The following STK24 variants were observed in gnomAD, a reference collection of about 807,000 sequenced individuals.
STK24 encodes serine/threonine kinase 24.
A neutral mutation model predicts 55.6 loss-of-function variants in STK24; 21 were observed. The observed-to-expected ratio is 0.38, with a 90% CI of 0.27 to 0.54. The LOEUF (loss-of-function observed/expected upper bound fraction) is 0.54. Ranked by LOEUF, STK24 falls within the 20% of genes least tolerant of loss-of-function variation. STK24 has a pLI of 0.79. For synonymous variants in STK24, 200 were observed against 215.2 expected, an observed-to-expected ratio of 0.93 and a Z score of 0.62; for missense variants, 383 against 538.4, an observed-to-expected ratio of 0.71 and a Z score of 2.86.
intron 1 of STK24, among the ~76,000 whole-genome samples, chr13:98,537,574 C>T (rs1448031088): frequency 6.6e-6 from 1 of 152,178 alleles, no homozygotes; most frequent in African/African-American, 2.4e-5. Context: ...CACAGCAGGA[C>T]AGGGGCCCCA....
At chr13:98,557,515 C>T (rs1897312070) in intron 1 of STK24, among the ~76,000 whole-genome samples, 1 of 152,244 alleles carries the variant, frequency 6.6e-6, no homozygotes, top group Admixed American at 6.5e-5. Flanking sequence ...CCTCCCCACC[C>T]ACTGGTGGCA....
chr13:98,554,451 A>T (rs913960196), intron 1 of STK24, among the ~76,000 whole-genome samples: 25 of 152,210 alleles, frequency 1.6e-4, no homozygotes, highest in African/African-American at 5.8e-4. Context: ...AGGTTATCTA[A>T]AACACTGCAC....
intron 9 of STK24, among the ~76,000 whole-genome samples, chr13:98,459,335 G>A (rs1893602975): frequency 6.6e-6 from 1 of 152,242 alleles, no homozygotes; most frequent in African/African-American, 2.4e-5. Flanking sequence ...CCCGACACCA[G>A]CGGGCTCGGC....
At position 98,447,162 on chromosome 13, in the gene STK24, A is replaced by C. The variant is rs1892899041; in HGVS notation, c.*6011T>G. ...GACTGCAGACTTCATTTAGCCAAGAAAGAAATGCAACAGTCAGGCCTAAGA... is the reference window on the plus strand; with the variant it reads ...GACTGCAGACTTCATTTAGCCAAGACAGAAATGCAACAGTCAGGCCTAAGA... On this transcript the variant is annotated 3_prime_UTR_variant, in exon 11 of 11. Coordinates refer to ENST00000539966, the MANE Select transcript of STK24 (RefSeq NM_001032296.4). 2 of 209,802 alleles carry C rather than the reference A, an allele frequency of 9.5e-6. No homozygotes were observed. Among genetic ancestry groups the C allele is most frequent in the East Asian group, 1.2e-4 (1 of 8,014 alleles). 13.0% of individuals were successfully genotyped at this position (209,802 alleles called of 1,614,324 possible).
chr13:98,560,569 T>C (rs1278407687), intron 1 of STK24, among the ~76,000 whole-genome samples: 16 of 152,118 alleles, frequency 1.1e-4, no homozygotes, highest in Non-Finnish European at 1.6e-4. Context: ...AAAAGATTCA[T>C]CTAAAAGACA....
At chr13:98,542,705 G>A in intron 1 of STK24, 1 of 392,810 alleles carries the variant, frequency 2.5e-6, no homozygotes, top group Non-Finnish European at 3.5e-6. Flanking sequence ...TTCCATATTA[G>A]TCCCTTGTTC....
intron 1 of STK24, among the ~76,000 whole-genome samples, chr13:98,563,397 C>T (rs7332862): frequency 0.18 from 27,647 of 152,116 alleles, 2,653 homozygotes; most frequent in African/African-American, 0.23. Context: ...GAAGACAAAG[C>T]AGGGGAAGGC....
At chr13:98,464,008 A>G (rs1202475029) in intron 6 of STK24, among the ~76,000 whole-genome samples, 172 bp from the exon 7 acceptor site, 2 of 152,144 alleles carry the variant, frequency 1.3e-5, no homozygotes, top group Admixed American at 6.5e-5. Flanking sequence ...CTCAGGACCT[A>G]CGCCTGGGCT....
chr13:98,462,466 C>T (rs1305207449), intron 7 of STK24, among the ~76,000 whole-genome samples: 1 of 152,116 alleles, frequency 6.6e-6, no homozygotes, highest in Non-Finnish European at 1.5e-5. Flanking sequence ...GCCTCAGAGG[C>T]AATGAGCCCC....
At chr13:98,554,019 G>C (rs1302560365) in intron 1 of STK24, among the ~76,000 whole-genome samples, 1 of 149,274 alleles carries the variant, frequency 6.7e-6, no homozygotes, top group Non-Finnish European at 1.5e-5. Flanking sequence ...CCGAGATCAC[G>C]CCACTGCACT....
At chr13:98,504,709 G>A (rs755324616) in intron 2 of STK24, among the ~76,000 whole-genome samples, 1 of 152,178 alleles carries the variant, frequency 6.6e-6, no homozygotes. Flanking sequence ...AGCTGCTAGA[G>A]CTTGCTTTCT....
rs1360165693 is a variant in STK24, at chr13:98,470,619, A to T, written c.598-4058T>A. Among the ~76,000 whole-genome samples, 5 of 152,240 alleles carry T rather than the reference A, an allele frequency of 3.3e-5. No individual in the cohort carries two copies. In the East Asian group the frequency reaches 9.6e-4, roughly 29 times the overall value. On this transcript the variant is annotated intron_variant, in intron 5 of 10. Coordinates refer to ENST00000539966, the MANE Select transcript of STK24 (RefSeq NM_001032296.4). ...GTCAAAAGCTGCAAATGCACACATTAACTGCGAACGAATCTTCTCCTGGGG... is the reference window on the plus strand; with the variant it reads ...GTCAAAAGCTGCAAATGCACACATTTACTGCGAACGAATCTTCTCCTGGGG...
rs765420585 is a variant in STK24 at position 98,453,225 on chromosome 13, G to C, written c.1260-16C>G. On this transcript the variant is annotated splice_polypyrimidine_tract_variant and intron_variant, in intron 10 of 10. Transcript: ENST00000539966. ...TAGAGAGTATCTAGGGAAAAAGAGA[G>C]AGAGAGAAGTCAACACATGTCATTT... The C allele has an allele frequency of 6.2e-7, 1 of 1,611,770 alleles. No individual in the cohort carries two copies. The highest frequency in any genetic ancestry group is 8.5e-7 in the Non-Finnish European group (1 of 1,179,200).
rs372214251 is a variant in STK24 at position 98,511,242 on chromosome 13, G to A, written c.273+8001C>T. ...AGAGTACTGACGGGAAATAGTAAGCGTCTTAGGACAAGATACTCAAAAATC... is the reference window on the plus strand; with the variant it reads ...AGAGTACTGACGGGAAATAGTAAGCATCTTAGGACAAGATACTCAAAAATC... On this transcript the variant is annotated intron_variant, in intron 2 of 10. Coordinates refer to ENST00000539966, the MANE Select transcript of STK24 (RefSeq NM_001032296.4). Among the ~76,000 whole-genome samples the A allele has an allele frequency of 3.9e-5, 6 of 152,274 alleles. 1 individual carries two copies. The highest frequency in any genetic ancestry group is 4.1e-4 in the South Asian group (2 of 4,826).
At chr13:98,488,866 C>G (rs1468097715) in intron 2 of STK24, among the ~76,000 whole-genome samples, 3 of 152,182 alleles carry the variant, frequency 2.0e-5, no homozygotes, top group Non-Finnish European at 4.4e-5. Flanking sequence ...GATTTTAAAA[C>G]AGGAATTCGA....
At chr13:98,535,353 CAAACAAACAA>C (rs1344010328) in intron 1 of STK24, among the ~76,000 whole-genome samples, 4 of 43,622 alleles carry the variant, frequency 9.2e-5, no homozygotes, top group African/African-American at 2.3e-4. Flanking sequence ...AACAAACAAA[CAAACAAACAA>C]AAAAAAAATA....
intron 1 of STK24, among the ~76,000 whole-genome samples, chr13:98,570,922 T>C (rs1239849360): frequency 1.3e-5 from 2 of 151,874 alleles, no homozygotes; most frequent in Non-Finnish European, 2.9e-5. Flanking sequence ...GATAATAGAG[T>C]GCAACTTCTA....
intron 1 of STK24, among the ~76,000 whole-genome samples, chr13:98,537,323 T>A (rs114025804): frequency 0.021 from 3,216 of 152,274 alleles, 52 homozygotes; most frequent in East Asian, 0.067. Flanking sequence ...AGTGGGGCCT[T>A]CCCCCTGGAT....
At chr13:98,536,649 C>T (rs1216781313) in intron 1 of STK24, among the ~76,000 whole-genome samples, 10 of 152,128 alleles carry the variant, frequency 6.6e-5, no homozygotes, top group Non-Finnish European at 1.5e-4. Context: ...TAGGGATGAG[C>T]CACCACACCT....
Sources: allele counts gnomAD v4.1 joint callset (sites outside exome capture counted in the v4.1 genomes callset), GRCh38; gene constraint gnomAD v4.1.1; transcripts MANE v1.5; gene names NCBI Gene and HGNC (gene_info 2026-07-23, HGNC 2026-07-21).